ADAMTSL1: variants seen among roughly 807,000 people sequenced by gnomAD.
The protein encoded by ADAMTSL1 is ADAMTS-like protein 1.
Under a neutral mutation model 201.8 loss-of-function variants are expected in ADAMTSL1, and 126 were observed. The ratio of observed to expected loss-of-function variants is 0.62; its 90% confidence interval spans 0.54 to 0.72. The LOEUF (loss-of-function observed/expected upper bound fraction) is 0.72, where lower values mean the gene tolerates loss of function less well. Among genes scored for constraint, ADAMTSL1 ranks in the 30% least tolerant of loss-of-function variants. The pLI is 0.00. For missense variants in ADAMTSL1, 2,679 were observed against 2,277.8 expected, an observed-to-expected ratio of 1.18 and a Z score of -3.59; for synonymous variants, 1,121 against 903.4, an observed-to-expected ratio of 1.24 and a Z score of -4.32.
rs534661638 is a variant in ADAMTSL1, at chr9:18,310,045, C to T, written c.207+146064C>T. ...AGAAATACTGCCACACATCTACAACCATCTGATCTTTAACAAACCTGACAA... is the reference window on the plus strand; with the variant it reads ...AGAAATACTGCCACACATCTACAACTATCTGATCTTTAACAAACCTGACAA... On this transcript the variant is annotated intron_variant, in intron 2 of 29. Transcript: ENST00000680146. Among the ~76,000 whole-genome samples the T allele has an allele frequency of 2.0e-5, 3 of 152,148 alleles. No homozygotes were observed. The South Asian group carries it at 6.3e-4, about 32-fold the overall frequency.
chr9:18,084,250 G>A (rs185610165), intron 1 of ADAMTSL1, among the ~76,000 whole-genome samples: 50 of 152,232 alleles, frequency 3.3e-4, no homozygotes, highest in African/African-American at 1.1e-3. Flanking sequence ...GGCTGGGCGC[G>A]GTGGCTCATG....
intron 2 of ADAMTSL1, among the ~76,000 whole-genome samples, chr9:18,466,213 T>C (rs1820999719): frequency 6.6e-6 from 1 of 152,202 alleles, no homozygotes; most frequent in Admixed American, 6.5e-5. Context: ...AAATTGCACA[T>C]GTAAAAAGAG....
chr9:18,392,752 C>T (rs185664133), intron 2 of ADAMTSL1, among the ~76,000 whole-genome samples: 2 of 152,150 alleles, frequency 1.3e-5, no homozygotes, highest in African/African-American at 4.8e-5. Flanking sequence ...AGAGGATACT[C>T]TAAATTCATA....
intron 3 of ADAMTSL1, among the ~76,000 whole-genome samples, chr9:18,538,293 C>T (rs905143757): frequency 6.6e-6 from 1 of 152,114 alleles, no homozygotes; most frequent in Non-Finnish European, 1.5e-5. Context: ...ACATGATTCA[C>T]TCTTGTGATC....
At chr9:18,255,269 A>T (rs537746997) in intron 2 of ADAMTSL1, among the ~76,000 whole-genome samples, 1 of 152,280 alleles carries the variant, frequency 6.6e-6, no homozygotes, top group African/African-American at 2.4e-5. Context: ...GCGCTGCCGC[A>T]TTCTTTACCT....
intron 2 of ADAMTSL1, among the ~76,000 whole-genome samples, chr9:18,459,732 AG>A (rs1402081577): frequency 1.3e-5 from 2 of 152,188 alleles, no homozygotes; most frequent in Non-Finnish European, 2.9e-5. Flanking sequence ...AAGTTTGAGG[AG>A]TTAGATGTAT....
rs1424083666 is a variant in ADAMTSL1, at chr9:17,964,994, C to G, written c.87+58072C>G. On this transcript the variant is annotated intron_variant, in intron 1 of 29. Transcript: ENST00000680146. The stretch of plus-strand genomic sequence containing the variant: ...TCTCAAGCTCCTGGCCTCTAGTGTT[C>G]CACCTGCCACAGCCTCTTAAAGTGC... Among the ~76,000 whole-genome samples, 5 of 152,150 alleles carry G rather than the reference C, an allele frequency of 3.3e-5. No homozygotes were observed. The South Asian group carries it at 1.0e-3, about 32-fold the overall frequency.
chr9:18,531,597 C>T (rs1819450233), intron 2 of ADAMTSL1, among the ~76,000 whole-genome samples: 1 of 152,104 alleles, frequency 6.6e-6, no homozygotes, highest in African/African-American at 2.4e-5. Context: ...TTAAGATAGT[C>T]TGTGTATAAT....
chr9:17,953,505 A>G (rs1827808808), intron 1 of ADAMTSL1, among the ~76,000 whole-genome samples: 1 of 152,248 alleles, frequency 6.6e-6, no homozygotes, highest in East Asian at 1.9e-4. Context: ...ACAAAGACTT[A>G]CACATGAGGA....
At chr9:18,322,458 C>A (rs2132859497) in intron 2 of ADAMTSL1, among the ~76,000 whole-genome samples, 1 of 152,186 alleles carries the variant, frequency 6.6e-6, no homozygotes, top group East Asian at 1.9e-4. Context: ...CATGGTGAAA[C>A]CCCGTCTCTA....
intron 14 of ADAMTSL1, among the ~76,000 whole-genome samples, chr9:18,712,319 A>C (rs1482051578): frequency 1.3e-5 from 2 of 152,160 alleles, no homozygotes; most frequent in African/African-American, 4.8e-5. Context: ...GAGGACATTC[A>C]AACCAAAGGC....
intron 1 of ADAMTSL1, among the ~76,000 whole-genome samples, chr9:18,024,469 C>T (rs1049518881): frequency 2.6e-5 from 4 of 151,958 alleles, no homozygotes; most frequent in African/African-American, 7.2e-5. Flanking sequence ...CTTTATGTCC[C>T]TGTGAATTCA....
chr9:18,565,671 C>T (rs1821844945), intron 3 of ADAMTSL1, among the ~76,000 whole-genome samples: 1 of 151,932 alleles, frequency 6.6e-6, no homozygotes, highest in African/African-American at 2.4e-5. Flanking sequence ...ACTGACCCCA[C>T]TTTCTGTTCT....
intron 2 of ADAMTSL1, among the ~76,000 whole-genome samples, chr9:18,233,905 T>G (rs970431046): frequency 2.0e-5 from 3 of 152,188 alleles, no homozygotes; most frequent in African/African-American, 7.2e-5. Flanking sequence ...ATCTCTCAAA[T>G]TATTAAGTCC....
intron 2 of ADAMTSL1, among the ~76,000 whole-genome samples, chr9:18,292,820 TCCA>T (rs1833327159): frequency 1.3e-5 from 2 of 152,324 alleles, no homozygotes; most frequent in South Asian, 4.1e-4. Context: ...CTGAGACTGA[TCCA>T]CCACTAGCTT....
intron 2 of ADAMTSL1, among the ~76,000 whole-genome samples, chr9:18,225,392 C>T (rs571503018): frequency 6.6e-5 from 10 of 152,050 alleles, no homozygotes; most frequent in East Asian, 1.9e-4. Context: ...CTATAATATG[C>T]GAAAATGTAT....
intron 1 of ADAMTSL1, among the ~76,000 whole-genome samples, chr9:18,125,096 T>C (rs113066078): frequency 0.023 from 3,558 of 152,292 alleles, 54 homozygotes; most frequent in Non-Finnish European, 0.035. Flanking sequence ...GATAAAGACA[T>C]ACCCAAGACT....
At chr9:18,644,392 T>TA (rs397786832) in intron 7 of ADAMTSL1, among the ~76,000 whole-genome samples, 1 of 151,872 alleles carries the variant, frequency 6.6e-6, no homozygotes, top group Non-Finnish European at 1.5e-5. Context: ...TTTATTTTTT[T>TA]AATTATTATT....
intron 1 of ADAMTSL1, among the ~76,000 whole-genome samples, chr9:17,996,696 T>A (rs989490553): frequency 6.6e-6 from 1 of 152,022 alleles, no homozygotes; most frequent in Non-Finnish European, 1.5e-5. Context: ...CCTCCCTCAG[T>A]TGCCCAACCC....
Sources: allele counts gnomAD v4.1 joint callset (sites outside exome capture counted in the v4.1 genomes callset), GRCh38; gene constraint gnomAD v4.1.1; transcripts MANE v1.5; gene names NCBI Gene and HGNC (gene_info 2026-07-23, HGNC 2026-07-21).